Variants in DSCAM observed in about 807,000 individuals in gnomAD.
DSCAM encodes the protein DS cell adhesion molecule.
A neutral mutation model predicts 217.7 loss-of-function variants in DSCAM; 47 were observed. That is an observed-to-expected ratio of 0.22 (90% confidence interval 0.17 to 0.28). DSCAM has a LOEUF of 0.28. DSCAM is among the 10% of genes least tolerant of loss of function. DSCAM has a pLI of 1.00. For synonymous variants in DSCAM, 1,056 were observed against 1,015.3 expected (o/e 1.04, Z -0.76); for missense variants, 2,080 against 2,618.3 (o/e 0.79, Z 4.49).
chr21:40,133,242 T>C lies in DSCAM; in HGVS notation c.3562+612A>G, dbSNP rs2090172233. Among the ~76,000 whole-genome samples the C allele has an allele frequency of 4.6e-5, 7 of 152,354 alleles. 1 individual carries two copies. The South Asian group carries it at 1.4e-3, about 32-fold the overall frequency. On this transcript the variant is annotated intron_variant, in intron 19 of 32. Coordinates refer to ENST00000400454, the MANE Select transcript of DSCAM (RefSeq NM_001389.5). ...CAGAACCTTTGTTGTATGGTTTTTG[T>C]ACGTTTGGGTAATAGTCACAACCCA...
intron 11 of DSCAM, among the ~76,000 whole-genome samples, chr21:40,267,533 G>T (rs1256261941): frequency 2.0e-5 from 3 of 152,104 alleles, no homozygotes; most frequent in African/African-American, 7.2e-5. Flanking sequence ...CATCTTAAGG[G>T]CTACTGTCAT....
At chr21:40,021,231 A>G (rs1043284546) in intron 32 of DSCAM, among the ~76,000 whole-genome samples, 2 of 151,798 alleles carry the variant, frequency 1.3e-5, no homozygotes, top group Non-Finnish European at 2.9e-5. Flanking sequence ...AAAAAAGAAA[A>G]GAAACATAGC....
rs376732181 is a variant in DSCAM at position 40,733,422 on chromosome 21, A to T, written c.44-24651T>A. Among the ~76,000 whole-genome samples the T allele has an allele frequency of 2.6e-5, 4 of 152,322 alleles. No individual in the cohort carries two copies. The East Asian group carries it at 7.7e-4, about 29-fold the overall frequency. ...TTTGCCCTCCCTAGGGAAAATTAGC[A>T]ATGTTTGGAGATACTGTTGATTGTC... On this transcript the variant is annotated intron_variant, in intron 1 of 32. Coordinates refer to ENST00000400454, the MANE Select transcript of DSCAM (RefSeq NM_001389.5).
intron 3 of DSCAM, among the ~76,000 whole-genome samples, chr21:40,404,532 C>G (rs1345212024): frequency 6.6e-6 from 1 of 152,198 alleles, no homozygotes; most frequent in Non-Finnish European, 1.5e-5. Context: ...TCCCTTAACA[C>G]GTCACAGATT....
At chr21:40,484,659 C>T (rs2076010127) in intron 3 of DSCAM, among the ~76,000 whole-genome samples, 1 of 152,120 alleles carries the variant, frequency 6.6e-6, no homozygotes, top group Non-Finnish European at 1.5e-5. Flanking sequence ...GCCACTGCGT[C>T]ATCTCCTGAA....
intron 3 of DSCAM, among the ~76,000 whole-genome samples, chr21:40,467,801 T>C (rs2075856766): frequency 6.6e-6 from 1 of 151,990 alleles, no homozygotes; most frequent in Non-Finnish European, 1.5e-5. Flanking sequence ...ATGTCATCAA[T>C]TATGTGAGGG....
chr21:40,138,019 G>T (rs1179831338), intron 18 of DSCAM, among the ~76,000 whole-genome samples: 1 of 151,816 alleles, frequency 6.6e-6, no homozygotes, highest in Non-Finnish European at 1.5e-5. Flanking sequence ...TTTCTTTCAG[G>T]CCTTAACCAT....
intron 9 of DSCAM, 150 bp downstream of exon 9, chr21:40,311,931 G>GTGGTTT: frequency 2.0e-6 from 1 of 496,982 alleles, no homozygotes; most frequent in Non-Finnish European, 3.1e-6. Flanking sequence ...GTTTAGAGTC[G>GTGGTTT]TATTTTTTTT....
chr21:40,067,997 C>T (rs1025983718), intron 27 of DSCAM, among the ~76,000 whole-genome samples: 1 of 151,988 alleles, frequency 6.6e-6, no homozygotes, highest in Non-Finnish European at 1.5e-5. Context: ...TCAGATCAGC[C>T]TGAGATTCAG....
chr21:40,031,827 A>G (rs953285145), intron 32 of DSCAM, among the ~76,000 whole-genome samples: 3 of 152,222 alleles, frequency 2.0e-5, no homozygotes, highest in South Asian at 2.1e-4. Flanking sequence ...GAGACAAGCC[A>G]TCATTTCCAG....
At chr21:40,318,966 T>TGTC (rs1569060993) in intron 8 of DSCAM, among the ~76,000 whole-genome samples, 1 of 152,156 alleles carries the variant, frequency 6.6e-6, no homozygotes, top group Non-Finnish European at 1.5e-5. Context: ...GACAAGGCAT[T>TGTC]GTCCTTGCAG....
At chr21:40,663,900 TCAAGAGTTCTGAATAATG>T (rs1414765890) in intron 3 of DSCAM, among the ~76,000 whole-genome samples, 1 of 152,170 alleles carries the variant, frequency 6.6e-6, no homozygotes, top group Non-Finnish European at 1.5e-5. Context: ...TCACTTGCAA[TCAAGAGTTCTGAATAATG>T]CAAATTACTG....
chr21:40,643,139 C>T (rs1335482095), intron 3 of DSCAM, among the ~76,000 whole-genome samples: 1 of 152,122 alleles, frequency 6.6e-6, no homozygotes, highest in African/African-American at 2.4e-5. Context: ...CAGAGTGCAG[C>T]TCAGATATGT....
At chr21:40,174,602 A>G (rs1022020351) in intron 15 of DSCAM, among the ~76,000 whole-genome samples, 14 of 150,860 alleles carry the variant, frequency 9.3e-5, no homozygotes, top group African/African-American at 3.4e-4. Context: ...TGGCTCACCG[A>G]CTGTAGTTTG....
At chr21:40,019,680 T>C (rs141261351) in intron 32 of DSCAM, among the ~76,000 whole-genome samples, 7 of 152,260 alleles carry the variant, frequency 4.6e-5, no homozygotes, top group Non-Finnish European at 7.4e-5. Context: ...AGGGTCACCA[T>C]ATTGGGTCAC....
At chr21:40,394,701 A>G (rs573613179) in intron 3 of DSCAM, among the ~76,000 whole-genome samples, 1 of 152,300 alleles carries the variant, frequency 6.6e-6, no homozygotes, top group East Asian at 1.9e-4. Flanking sequence ...TCTTTTCCCT[A>G]GAGGGAGCCT....
chr21:40,831,791 G>A (rs1433986796), intron 1 of DSCAM, among the ~76,000 whole-genome samples: 2 of 152,180 alleles, frequency 1.3e-5, no homozygotes, highest in African/African-American at 2.4e-5. Context: ...TAATTAACCT[G>A]TCTCTTACTT....
intron 1 of DSCAM, among the ~76,000 whole-genome samples, chr21:40,772,786 T>C (rs2091457443): frequency 6.6e-6 from 1 of 152,230 alleles, no homozygotes; most frequent in Non-Finnish European, 1.5e-5. Flanking sequence ...TCACGTCCTC[T>C]CGTGGCTGCC....
chr21:40,028,712 G>A (rs145585042), intron 32 of DSCAM, among the ~76,000 whole-genome samples: 49 of 152,118 alleles, frequency 3.2e-4, no homozygotes, highest in African/African-American at 7.9e-4. Flanking sequence ...TTCGGCTCAC[G>A]CACAGTGTGC....
Sources: allele counts gnomAD v4.1 joint callset (sites outside exome capture counted in the v4.1 genomes callset), GRCh38; gene constraint gnomAD v4.1.1; transcripts MANE v1.5; gene names NCBI Gene and HGNC (gene_info 2026-07-23, HGNC 2026-07-21).